The following MRTFB variants were observed in gnomAD, a reference collection of about 807,000 sequenced individuals.
MRTFB encodes myocardin related transcription factor B.
In MRTFB, 29 loss-of-function variants were observed where a neutral mutation model predicts 104.2. The ratio of observed to expected loss-of-function variants is 0.28; its 90% confidence interval spans 0.21 to 0.38. MRTFB has a LOEUF of 0.38. Ranked by LOEUF, MRTFB falls within the 10% of genes least tolerant of loss-of-function variation. The pLI is 1.00. For missense variants in MRTFB, 1,270 were observed against 1,341.6 expected (o/e 0.95, Z 0.83); for synonymous variants, 535 against 519.5 (o/e 1.03, Z -0.41).
the MRTFB span, among the ~76,000 whole-genome samples, chr16:14,036,122 A>T: frequency 1.9e-4 from 1 of 5,162 alleles, no homozygotes; most frequent in African/African-American, 5.2e-4. Flanking sequence ...ATATTATATA[A>T]AATATATATT....
At chr16:14,086,444 C>G (rs1309130822) in intron 2 of MRTFB, among the ~76,000 whole-genome samples, 1 of 152,120 alleles carries the variant, frequency 6.6e-6, no homozygotes, top group Non-Finnish European at 1.5e-5. Context: ...TTTATTTGCA[C>G]TTTAGTTTGC....
chr16:14,152,388 CAG>C (rs372601526), intron 3 of MRTFB: 206 of 151,846 alleles, frequency 1.4e-3, no homozygotes, highest in African/African-American at 4.2e-3. Context: ...ATATGTGAAA[CAG>C]AAACAGTTCG....
intron 8 of MRTFB, among the ~76,000 whole-genome samples, chr16:14,224,904 G>T (rs1233976852): frequency 6.6e-6 from 1 of 152,144 alleles, no homozygotes; most frequent in Admixed American, 6.5e-5. Context: ...TATAAAATTG[G>T]CTGGGCACGG....
chr16:14,019,880 T>C, the MRTFB span, among the ~76,000 whole-genome samples: 9 of 152,142 alleles, frequency 5.9e-5, no homozygotes, highest in Non-Finnish European at 1.2e-4. Flanking sequence ...GGGAGTAAGA[T>C]GGGACAAATA....
the MRTFB span, among the ~76,000 whole-genome samples, chr16:14,046,925 A>G: frequency 6.6e-6 from 1 of 152,204 alleles, no homozygotes; most frequent in African/African-American, 2.4e-5. Context: ...AATCCTTACA[A>G]TCTGTCAAGG....
chr16:14,051,271 C>G, the MRTFB span, among the ~76,000 whole-genome samples: 2 of 151,852 alleles, frequency 1.3e-5, no homozygotes, highest in Non-Finnish European at 2.9e-5. Flanking sequence ...CAGACACACA[C>G]GGACACACTC....
intron 4 of MRTFB, 84 bp from the exon 5 acceptor site, chr16:14,212,270 T>C (rs1448789057): frequency 7.5e-7 from 1 of 1,324,790 alleles, no homozygotes; most frequent in African/African-American, 1.5e-5. Context: ...CTGTTAATAA[T>C]AGGGTTATCA....
the MRTFB span, among the ~76,000 whole-genome samples, chr16:14,054,172 A>G: frequency 6.6e-6 from 1 of 151,662 alleles, no homozygotes; most frequent in African/African-American, 2.4e-5. Flanking sequence ...TCCTTTTCCC[A>G]TTCTTGACAT....
intron 8 of MRTFB, among the ~76,000 whole-genome samples, chr16:14,220,268 A>G (rs1382908988): frequency 1.3e-5 from 2 of 152,218 alleles, no homozygotes; most frequent in Non-Finnish European, 2.9e-5. Context: ...AAGAATGTCA[A>G]GTATGCAAGT....
At chr16:14,252,533 G>A in intron 15 of MRTFB, 31 bp downstream of exon 15, 1 of 1,612,504 alleles carries the variant, frequency 6.2e-7, no homozygotes, top group Non-Finnish European at 8.5e-7. Flanking sequence ...GGTGCATAAG[G>A]CTATGGTGGA....
At chr16:14,041,796 C>T in the MRTFB span, among the ~76,000 whole-genome samples, 1 of 151,956 alleles carries the variant, frequency 6.6e-6, no homozygotes, top group African/African-American at 2.4e-5. Flanking sequence ...CGTGGTGGCA[C>T]ATGCCTGTAA....
At chr16:14,033,790 C>T in the MRTFB span, among the ~76,000 whole-genome samples, 2 of 144,070 alleles carry the variant, frequency 1.4e-5, no homozygotes, top group East Asian at 2.1e-4. Context: ...GTGCTGAGAT[C>T]GCGCCACTGC....
At chr16:14,110,315 G>A (rs2036206877) in intron 2 of MRTFB, among the ~76,000 whole-genome samples, 1 of 152,226 alleles carries the variant, frequency 6.6e-6, no homozygotes, top group African/African-American at 2.4e-5. Context: ...GACAGTGCGA[G>A]TTTAGGCCTT....
At chr16:14,122,517 G>A (rs1298877503) in intron 2 of MRTFB, among the ~76,000 whole-genome samples, 1 of 152,112 alleles carries the variant, frequency 6.6e-6, no homozygotes, top group Non-Finnish European at 1.5e-5. Context: ...TCCCACTTAT[G>A]AGTGAGAACA....
chr16:14,029,500 T>C, the MRTFB span, among the ~76,000 whole-genome samples: 2 of 122,178 alleles, frequency 1.6e-5, no homozygotes, highest in Admixed American at 1.6e-4. Context: ...ACATTATATA[T>C]ATACACATAT....
At chr16:14,172,687 G>A (rs2039461734) in intron 3 of MRTFB, among the ~76,000 whole-genome samples, 1 of 152,118 alleles carries the variant, frequency 6.6e-6, no homozygotes, top group South Asian at 2.1e-4. Flanking sequence ...GGAATAAACA[G>A]AAAGTGTTGT....
intron 2 of MRTFB, among the ~76,000 whole-genome samples, chr16:14,110,291 C>T (rs1216910565): frequency 6.6e-6 from 1 of 152,194 alleles, no homozygotes; most frequent in East Asian, 1.9e-4. Flanking sequence ...GGCTGGTTCC[C>T]TGGTAGAGTT....
At chr16:14,022,767 T>TTTTTTTTA in the MRTFB span, among the ~76,000 whole-genome samples, 4 of 92,766 alleles carry the variant, frequency 4.3e-5, no homozygotes, top group African/African-American at 1.6e-4. Flanking sequence ...TTTTTTTTTT[T>TTTTTTTTA]GAGACAAGGT....
chr16:14,206,975 A>G (rs2040975321), intron 3 of MRTFB, among the ~76,000 whole-genome samples: 3 of 151,648 alleles, frequency 2.0e-5, no homozygotes, highest in Admixed American at 2.0e-4. Flanking sequence ...CAAAATGGCT[A>G]GTTACTTGCA....
Sources: allele counts gnomAD v4.1 joint callset (sites outside exome capture counted in the v4.1 genomes callset), GRCh38; gene constraint gnomAD v4.1.1; transcripts MANE v1.5; gene names NCBI Gene and HGNC (gene_info 2026-07-23, HGNC 2026-07-21).